VIT: variants seen among roughly 807,000 people sequenced by gnomAD.
The protein encoded by VIT is vitrin.
A neutral mutation model predicts 78.0 loss-of-function variants in VIT; 99 were observed. The observed-to-expected ratio is 1.27, with a 90% CI of 1.08 to 1.50. VIT has a LOEUF of 1.50. VIT is among the 40% of genes most tolerant of loss of function. VIT has a pLI of 0.00. For synonymous variants in VIT, 374 were observed against 334.3 expected (o/e 1.12, Z -1.29); for missense variants, 1,126 against 875.3 (o/e 1.29, Z -3.61).
At chr2:36,729,216 C>T (rs557611029) in intron 2 of VIT, among the ~76,000 whole-genome samples, 3 of 152,238 alleles carry the variant, frequency 2.0e-5, no homozygotes, top group East Asian at 3.9e-4. Flanking sequence ...TGTGTAAGTA[C>T]ACTCTACAAT....
At chr2:36,769,390 T>C (rs939004764) in intron 7 of VIT, among the ~76,000 whole-genome samples, 2 of 152,202 alleles carry the variant, frequency 1.3e-5, no homozygotes, top group Non-Finnish European at 2.9e-5. Context: ...AAAGCTTCTT[T>C]ATTCCTGGCT....
intron 15 of VIT, among the ~76,000 whole-genome samples, chr2:36,812,927 C>G (rs1226470010): frequency 7.0e-6 from 1 of 142,862 alleles, no homozygotes; most frequent in Non-Finnish European, 1.5e-5. Context: ...GCGGTGCCAT[C>G]TCGGCTCACT....
intron 15 of VIT, among the ~76,000 whole-genome samples, chr2:36,810,344 G>A (rs1667067407): frequency 6.6e-6 from 1 of 152,246 alleles, no homozygotes; most frequent in Admixed American, 6.5e-5. Context: ...TTCTAAGAGG[G>A]CAACAAAATT....
At chr2:36,804,936 T>C (rs79768060) in intron 13 of VIT, among the ~76,000 whole-genome samples, 7,965 of 152,060 alleles carry the variant, frequency 0.052, 510 homozygotes, top group East Asian at 0.18. Context: ...AAATGGACAG[T>C]GGTAACGGCT....
chr2:36,697,848 C>A (rs1437487951), intron 1 of VIT, among the ~76,000 whole-genome samples: 1 of 152,138 alleles, frequency 6.6e-6, no homozygotes, highest in Non-Finnish European at 1.5e-5. Flanking sequence ...GGTGGTTGCT[C>A]AAAATTGCGT....
chr2:36,810,500 C>G (rs752615997), intron 15 of VIT, among the ~76,000 whole-genome samples: 1 of 152,156 alleles, frequency 6.6e-6, no homozygotes, highest in Admixed American at 6.5e-5. Context: ...GAGAAAACCC[C>G]AAGTGATAAT....
chr2:36,805,591 T>C lies in VIT; in HGVS notation c.1316T>C (p.Ile439Thr), dbSNP rs758829346. ...SRLARESGIN[I>T]FFITIEGAAE... ...CTTGCGAGAGAGTCAGGAATCAACA[T>C]TTTCTTCATCACCATTGAAGGTGCT... The change falls in exon 14 of 16, where the codon ATT (isoleucine) becomes ACT (threonine). Residue 439 changes from isoleucine to threonine, a missense_variant. Coordinates refer to ENST00000379242, the MANE Select transcript of VIT (RefSeq NM_053276.4). 1.2e-6 allele frequency: 2 copies of C among 1,613,954 alleles called. No individual in the cohort carries two copies. The highest frequency in any genetic ancestry group is 2.7e-5 in the African/African-American group (2 of 74,884).
At chr2:36,738,026 C>A (rs1667612622) in intron 3 of VIT, among the ~76,000 whole-genome samples, 1 of 152,170 alleles carries the variant, frequency 6.6e-6, no homozygotes, top group Admixed American at 6.5e-5. Context: ...GAAAACAGTA[C>A]AATGGAAAAT....
Position 36,814,560 on chromosome 2 carries a change from A to G in VIT, c.*199A>G. ...TACAAAGATGATCACAAACGTATAG[A>G]ATGAGCCAAAAGGCTACATCATGTT... On this transcript the variant is annotated 3_prime_UTR_variant, in exon 16 of 16. Coordinates refer to ENST00000379242, the MANE Select transcript of VIT (RefSeq NM_053276.4). 1 of 629,518 alleles carries G rather than the reference A, an allele frequency of 1.6e-6. No homozygotes were observed. Among genetic ancestry groups the G allele is most frequent in the Non-Finnish European group, 2.6e-6 (1 of 383,464 alleles). 39.0% of individuals were successfully genotyped at this position (629,518 alleles called of 1,614,324 possible). A position where few individuals can be genotyped will look rare whatever the true frequency, so the allele number is the denominator to read the frequency against.
chr2:36,714,155 T>C (rs1665981904), intron 1 of VIT, among the ~76,000 whole-genome samples: 1 of 152,274 alleles, frequency 6.6e-6, no homozygotes, highest in African/African-American at 2.4e-5. Context: ...TGCTGCTTAA[T>C]TTAATTGTTT....
intron 12 of VIT, among the ~76,000 whole-genome samples, chr2:36,789,754 G>T (rs1369982187): frequency 6.6e-6 from 1 of 152,150 alleles, no homozygotes; most frequent in Non-Finnish European, 1.5e-5. Context: ...TGCACTCTTG[G>T]AATCACAGGC....
At chr2:36,761,542 C>A (rs953901704) in intron 6 of VIT, among the ~76,000 whole-genome samples, 1 of 152,042 alleles carries the variant, frequency 6.6e-6, no homozygotes, top group African/African-American at 2.4e-5. Flanking sequence ...AGATGGAGAC[C>A]ATCCTGGCTA....
At chr2:36,758,947 T>C (rs760852546) in intron 5 of VIT, 22 bp from the exon 6 acceptor site, 2 of 1,599,798 alleles carry the variant, frequency 1.3e-6, no homozygotes, top group Non-Finnish European at 1.7e-6. Flanking sequence ...TAAATCTCGT[T>C]TTTTTTTTCT....
intron 9 of VIT, among the ~76,000 whole-genome samples, chr2:36,778,935 G>A (rs1358125265): frequency 1.3e-5 from 2 of 152,176 alleles, no homozygotes; most frequent in Admixed American, 6.5e-5. Context: ...AGGGACACTC[G>A]GGCTTCTGTC....
intron 12 of VIT, among the ~76,000 whole-genome samples, chr2:36,791,513 G>C (rs913593068): frequency 6.6e-6 from 1 of 152,208 alleles, no homozygotes; most frequent in Non-Finnish European, 1.5e-5. Flanking sequence ...CTCTGAGATG[G>C]GGGGGTTCTC....
At chr2:36,801,230 C>T in intron 12 of VIT, 71 bp from the exon 13 acceptor site, 2 of 1,360,948 alleles carry the variant, frequency 1.5e-6, no homozygotes, top group Non-Finnish European at 2.1e-6. Context: ...AAAGAATCAA[C>T]CATGATCTCT....
At chr2:36,768,256 A>G (rs1395029554) in intron 7 of VIT, among the ~76,000 whole-genome samples, 2 of 152,022 alleles carry the variant, frequency 1.3e-5, no homozygotes, top group Non-Finnish European at 2.9e-5. Flanking sequence ...GCATGGTGAA[A>G]CCCCATCTGT....
chr2:36,795,179 C>T (rs552761833), intron 12 of VIT, among the ~76,000 whole-genome samples: 118 of 152,204 alleles, frequency 7.8e-4, no homozygotes, highest in African/African-American at 2.7e-3. Context: ...TCTGTATTTG[C>T]AAATTTGCCT....
In VIT at chr2:36,774,623, C is replaced by G. The variant is rs1037202735; in HGVS notation, c.737-379C>G. 23 of 985,288 alleles carry G rather than the reference C, an allele frequency of 2.3e-5. No individual in the cohort carries two copies. In the African/African-American group the frequency reaches 3.5e-4, roughly 15 times the overall value. 61.0% of individuals were successfully genotyped at this position (985,288 alleles called of 1,614,324 possible). A position where few individuals can be genotyped will look rare whatever the true frequency, so the allele number is the denominator to read the frequency against. On this transcript the variant is annotated intron_variant, in intron 8 of 15. Coordinates refer to ENST00000379242, the MANE Select transcript of VIT (RefSeq NM_053276.4). ...TTGCTACTGGATAGGAACAGGGGCC[C>G]AATGGGCTCCTCTGGTCAGGGCGAG... is the stretch of plus-strand genomic sequence containing the variant.
Sources: allele counts gnomAD v4.1 joint callset (sites outside exome capture counted in the v4.1 genomes callset), GRCh38; gene constraint gnomAD v4.1.1; transcripts MANE v1.5; gene names NCBI Gene and HGNC (gene_info 2026-07-23, HGNC 2026-07-21).